The following TRIM14 variants were observed in gnomAD, a reference collection of about 807,000 sequenced individuals.
TRIM14 encodes tripartite motif containing 14.
Under a neutral mutation model 44.5 loss-of-function variants are expected in TRIM14, and 28 were observed. That is an observed-to-expected ratio of 0.63 (90% CI 0.47 to 0.86). The LOEUF is 0.86. Ranked by LOEUF, TRIM14 falls within the 40% of genes least tolerant of loss-of-function variation. The pLI is 0.00. For missense variants in TRIM14, 607 were observed against 611.1 expected (o/e 0.99, Z 0.07); for synonymous variants, 299 against 269.2 (o/e 1.11, Z -1.08).
At chr9:98,081,664 C>T (rs572329317), downstream of TRIM14, 173 of 152,686 alleles carry the variant, frequency 1.1e-3, no homozygotes, top group Non-Finnish European at 1.9e-3. Context: ...TCCTGGAAGC[C>T]GTGGCCTGGA....
At chr9:98,078,273 C>G in intron 6 of TRIM14, 3 of 1,614,116 alleles carry the variant, frequency 1.9e-6, no homozygotes, top group Non-Finnish European at 2.5e-6. Flanking sequence ...GCCCCTCAAC[C>G]CCAACTTCTG....
In TRIM14 at chr9:98,095,016, G is replaced by A; in HGVS notation, c.551C>T (p.Thr184Ile). ...PVQRLQAYTA[T>I]EQEMQQQMSL... is the part of the protein sequence containing the mutation. ...CATCTGCTGCTGCATCTCCTGCTCG[G>A]TGGCCGTGTATGCCTGTGTGGGCAC... is the stretch of plus-strand genomic sequence containing the variant. Residue 184 changes from threonine to isoleucine, a missense_variant, in exon 4 of 6, where the codon ACC becomes ATC. By Grantham distance (89) the Thr-to-Ile change is moderately conservative. Around this residue, in one of 3 missense-constraint regions of TRIM14, gnomAD observed 246 missense variants for 270.8 expected, o/e 0.91. Transcript: ENST00000341469. This position sits in a 1 kb window ranked among gnomAD's most constrained non-coding sequence, Gnocchi z 4.1. 1 of 1,613,614 alleles carries A rather than the reference G, an allele frequency of 6.2e-7. No homozygotes were observed. Among genetic ancestry groups the A allele is most frequent in the Non-Finnish European group, 8.5e-7 (1 of 1,179,920 alleles).
At chr9:98,043,266 C>G in the TRIM14 span, among the ~76,000 whole-genome samples, 4 of 152,094 alleles carry the variant, frequency 2.6e-5, no homozygotes, top group Non-Finnish European at 4.4e-5. Context: ...CAACCTCCCC[C>G]TCCTGGGTTC....
chr9:98,096,003 A>T (rs938016295), intron 3 of TRIM14, among the ~76,000 whole-genome samples: 3 of 152,198 alleles, frequency 2.0e-5, no homozygotes, highest in African/African-American at 7.2e-5. Flanking sequence ...TCATGTTTGC[A>T]GGTAAGAACC....
At chr9:98,052,354 A>C in the TRIM14 span, among the ~76,000 whole-genome samples, 7 of 151,986 alleles carry the variant, frequency 4.6e-5, no homozygotes, top group African/African-American at 1.7e-4. Context: ...GAAAAAAAAA[A>C]ACTTTAATTT....
the TRIM14 span, among the ~76,000 whole-genome samples, chr9:98,037,150 G>A: frequency 6.6e-6 from 1 of 152,202 alleles, no homozygotes; most frequent in Non-Finnish European, 1.5e-5. Context: ...GGCTGAGGCA[G>A]GAGGATCACT....
At chr9:98,106,824 T>C (rs112904631) in intron 2 of TRIM14, among the ~76,000 whole-genome samples, 1 of 142,044 alleles carries the variant, frequency 7.0e-6, no homozygotes, top group Non-Finnish European at 1.5e-5. Flanking sequence ...TTTTCTTTCT[T>C]CTTTTTTTTT....
At position 98,087,674 on chromosome 9, in the gene TRIM14, G is replaced by A. The variant is rs1825835012; in HGVS notation, c.1125C>T (p.His375=). The A allele has an allele frequency of 1.2e-6, 2 of 1,602,264 alleles. No individual in the cohort carries two copies. The highest frequency in any genetic ancestry group is 1.7e-6 in the Non-Finnish European group (2 of 1,178,642). ...GCCGCAGGCGGCTGCGCTGGCCGTCGTGGAAGGCCCAGTACTCAAGGTCGT... is the reference window on the plus strand; with the variant it reads ...GCCGCAGGCGGCTGCGCTGGCCGTCATGGAAGGCCCAGTACTCAAGGTCGT... ...KRYDLEYWAF[H]DGQRSRLRPR... is the part of the protein sequence containing the mutation. Residue 375 remains histidine, a synonymous_variant, in exon 6 of 6, where the codon CAC becomes CAT. Transcript: ENST00000341469.
At chr9:98,044,368 CTTTTTTT>C in the TRIM14 span, among the ~76,000 whole-genome samples, 79 of 110,480 alleles carry the variant, frequency 7.2e-4, 2 homozygotes, top group African/African-American at 8.7e-4. Context: ...TGCCCTTTCT[CTTTTTTT>C]TTTTTTTTTT....
downstream of TRIM14, among the ~76,000 whole-genome samples, chr9:98,068,376 G>C (rs1175046344): frequency 6.6e-6 from 1 of 151,982 alleles, no homozygotes; most frequent in Non-Finnish European, 1.5e-5. Flanking sequence ...CTGATCTCAA[G>C]TGATCTGCCT....
rs189583854 is a variant in TRIM14, at chr9:98,098,144, T to G, written c.537+1787A>C. On this transcript the variant is annotated intron_variant, in intron 3 of 5. Coordinates refer to ENST00000341469, the MANE Select transcript of TRIM14 (RefSeq NM_014788.4). ...GTGCCACTTTTAGTTGTACCCTGCC[T>G]TGTCCCACAGCCTTTAAAGTGTCTT... Among the ~76,000 whole-genome samples the G allele has an allele frequency of 4.3e-3, 661 of 152,334 alleles. 5 individuals carry two copies. Among genetic ancestry groups the G allele is most frequent in the Middle Eastern group, 6.8e-3 (2 of 292 alleles).
the TRIM14 span, among the ~76,000 whole-genome samples, chr9:98,055,681 C>T: frequency 3.9e-5 from 6 of 151,944 alleles, no homozygotes; most frequent in Non-Finnish European, 2.9e-5. Context: ...AGTCTAGTTC[C>T]CAGGAAAGAA....
chr9:98,056,658 G>A, the TRIM14 span: 1 of 1,207,916 alleles, frequency 8.3e-7, no homozygotes, highest in Non-Finnish European at 1.1e-6. Context: ...GAGAGGCGGG[G>A]CCTAGGGGAT....
chr9:98,116,712 T>TG (rs1378169585), intron 1 of TRIM14, among the ~76,000 whole-genome samples: 1 of 151,842 alleles, frequency 6.6e-6, no homozygotes, highest in Non-Finnish European at 1.5e-5. Context: ...GGTGTGGTGG[T>TG]GCATACCTAT....
intron 1 of TRIM14, among the ~76,000 whole-genome samples, chr9:98,113,173 T>C (rs1335480102): frequency 6.9e-6 from 1 of 144,960 alleles, no homozygotes; most frequent in African/African-American, 2.5e-5. Context: ...AAAACTTAAG[T>C]ATTAATATCA....
the TRIM14 span, among the ~76,000 whole-genome samples, chr9:98,048,004 G>A: frequency 6.6e-6 from 1 of 151,318 alleles, no homozygotes; most frequent in African/African-American, 2.4e-5. Context: ...GGTGGAGGTT[G>A]CAGTGAGCTG....
At position 98,084,480 on chromosome 9, in the gene TRIM14, A is replaced by T. The variant is rs907767695; in HGVS notation, c.*2990T>A. On this transcript the variant is annotated 3_prime_UTR_variant, in exon 6 of 6. Transcript: ENST00000341469. ...ACAGATTCAAGTCTGAAAGAGAAGA[A>T]GGTAAGTGATCAGTAACCCTTACAG... is the stretch of plus-strand genomic sequence containing the variant. The T allele has an allele frequency of 6.6e-6, 1 of 152,236 alleles. No homozygotes were observed. The highest frequency in any genetic ancestry group is 1.5e-5 in the Non-Finnish European group (1 of 68,050). 9.4% of individuals were successfully genotyped at this position (152,236 alleles called of 1,614,324 possible).
chr9:98,050,990 T>C, the TRIM14 span, among the ~76,000 whole-genome samples: 1 of 152,146 alleles, frequency 6.6e-6, no homozygotes, highest in Admixed American at 6.5e-5. Context: ...GCCAGGACGA[T>C]CTCGAACTCC....
chr9:98,074,756 G>A (rs148092730), intron 6 of TRIM14: 1 of 151,940 alleles, frequency 6.6e-6, no homozygotes, highest in African/African-American at 2.4e-5. Context: ...CCCCTCTCTT[G>A]GGGGGGTTTC....
Sources: gnomAD v4.1 joint callset for allele counts (sites outside exome capture counted in the v4.1 genomes callset) on GRCh38, gnomAD v4.1.1 for gene constraint, gnomAD v4.1.1 regional missense constraint, Gnocchi (gnomAD v3.1) non-coding constraint, MANE v1.5 for transcripts, NCBI Gene and HGNC (gene_info 2026-07-23, HGNC 2026-07-21) for gene names.